Variants in KCNAB1 observed in about 807,000 individuals in gnomAD.
The protein encoded by KCNAB1 is potassium voltage-gated channel subfamily A regulatory beta subunit 1, also known as voltage-gated potassium channel subunit beta-1.
A neutral mutation model predicts 64.6 loss-of-function variants in KCNAB1; 35 were observed. The ratio of observed to expected loss-of-function variants is 0.54; its 90% CI spans 0.41 to 0.72. KCNAB1 has a LOEUF of 0.72. KCNAB1 is among the 30% of genes least tolerant of loss of function. The probability of loss-of-function intolerance (pLI) is 0.00; values close to 1 mark genes in which losing one functional copy is unlikely to be tolerated. For synonymous variants in KCNAB1, 177 were observed against 183.8 expected, an observed-to-expected ratio of 0.96 and a Z score of 0.30; for missense variants, 401 against 512.9, an observed-to-expected ratio of 0.78 and a Z score of 2.11.
intron 1 of KCNAB1, among the ~76,000 whole-genome samples, chr3:156,259,729 T>C (rs1718318151): frequency 6.6e-6 from 1 of 152,240 alleles, no homozygotes; most frequent in South Asian, 2.1e-4. Context: ...TGGGACACTC[T>C]GCTGTGCCCA....
intron 8 of KCNAB1, among the ~76,000 whole-genome samples, chr3:156,504,385 A>G (rs898848045): frequency 6.6e-6 from 1 of 152,158 alleles, no homozygotes; most frequent in Admixed American, 6.5e-5. Flanking sequence ...GAGTGCAGGT[A>G]TCTCTTCAAC....
At chr3:156,296,339 C>T (rs185290068) in intron 1 of KCNAB1, among the ~76,000 whole-genome samples, 80 of 152,006 alleles carry the variant, frequency 5.3e-4, no homozygotes, top group Middle Eastern at 3.4e-3. Flanking sequence ...GAATTGAGCA[C>T]GTTTGTACTG....
At chr3:156,235,947 C>G (rs1484888458) in intron 1 of KCNAB1, among the ~76,000 whole-genome samples, 1 of 152,142 alleles carries the variant, frequency 6.6e-6, no homozygotes, top group South Asian at 2.1e-4. Context: ...TTTAGGGCTA[C>G]CAGTATAGAG....
intron 1 of KCNAB1, among the ~76,000 whole-genome samples, chr3:156,407,146 A>ATC (rs944737615): frequency 1.3e-5 from 2 of 151,456 alleles, no homozygotes; most frequent in Non-Finnish European, 2.9e-5. Context: ...CCTGGCTCCT[A>ATC]TCTCTCTCTC....
intron 1 of KCNAB1, among the ~76,000 whole-genome samples, chr3:156,379,398 A>G (rs1711982603): frequency 6.6e-6 from 1 of 152,168 alleles, no homozygotes; most frequent in South Asian, 2.1e-4. Context: ...ATAAAGATAG[A>G]AAAGGAAGGT....
intron 1 of KCNAB1, among the ~76,000 whole-genome samples, chr3:156,231,587 A>T (rs1427300489): frequency 6.7e-6 from 1 of 148,542 alleles, no homozygotes; most frequent in African/African-American, 2.5e-5. Flanking sequence ...GAGATAATCA[A>T]CTAAGAGCTA....
intron 1 of KCNAB1, among the ~76,000 whole-genome samples, chr3:156,317,345 T>G (rs1208967310): frequency 1.3e-5 from 2 of 152,204 alleles, no homozygotes; most frequent in Non-Finnish European, 2.9e-5. Context: ...TTTCAAGCTT[T>G]TATAACTTGG....
At chr3:156,342,585 C>CTTT (rs60982892) in intron 1 of KCNAB1, among the ~76,000 whole-genome samples, 6 of 86,240 alleles carry the variant, frequency 7.0e-5, no homozygotes, top group South Asian at 3.8e-4. Context: ...CTATGTGTTT[C>CTTT]TTTTTTTTTT....
intron 1 of KCNAB1, among the ~76,000 whole-genome samples, chr3:156,227,133 G>A (rs550999915): frequency 2.6e-5 from 4 of 152,178 alleles, no homozygotes; most frequent in East Asian, 3.9e-4. Context: ...CTACTTCTTC[G>A]TCACAATGTT....
intron 2 of KCNAB1, among the ~76,000 whole-genome samples, chr3:156,424,434 C>T (rs2108230967): frequency 1.3e-5 from 2 of 152,134 alleles, no homozygotes; most frequent in Middle Eastern, 6.8e-3. Flanking sequence ...ATTTATGGCT[C>T]TGATATTGTT....
intron 1 of KCNAB1, among the ~76,000 whole-genome samples, chr3:156,351,328 C>T (rs958721279): frequency 6.6e-6 from 1 of 152,154 alleles, no homozygotes; most frequent in African/African-American, 2.4e-5. Context: ...GTCAGGGGTT[C>T]ATGTGAGCTT....
chr3:156,148,331 G>A (rs913617551), intron 1 of KCNAB1, among the ~76,000 whole-genome samples: 7 of 152,170 alleles, frequency 4.6e-5, no homozygotes, highest in Non-Finnish European at 1.5e-5. Context: ...TTGAGGATGA[G>A]GACTAAAACT....
intron 1 of KCNAB1, among the ~76,000 whole-genome samples, chr3:156,191,698 C>A (rs1164559577): frequency 6.6e-6 from 1 of 152,172 alleles, no homozygotes. Flanking sequence ...AAAATGTCTT[C>A]TTTTTCCCAT....
chr3:156,421,870 C>T (rs960088867), intron 2 of KCNAB1, among the ~76,000 whole-genome samples: 3 of 152,010 alleles, frequency 2.0e-5, no homozygotes, highest in African/African-American at 4.8e-5. Flanking sequence ...TATAGGGGCC[C>T]GTCGAGCATA....
At chr3:156,118,433 C>T, upstream of KCNAB1, 1 of 381,558 alleles carries the variant, frequency 2.6e-6, no homozygotes, top group Non-Finnish European at 5.3e-6. Context: ...CATAGCACCA[C>T]TTCCACCACG....
At chr3:156,486,329 T>A (rs1715214184) in intron 8 of KCNAB1, among the ~76,000 whole-genome samples, 1 of 152,104 alleles carries the variant, frequency 6.6e-6, no homozygotes, top group African/African-American at 2.4e-5. Context: ...AGCTCCTCAC[T>A]GGCTTCAAAA....
intron 1 of KCNAB1, among the ~76,000 whole-genome samples, chr3:156,296,786 T>A (rs1385282514): frequency 2.6e-5 from 4 of 152,196 alleles, no homozygotes; most frequent in Non-Finnish European, 4.4e-5. Flanking sequence ...TTTTTCCCCA[T>A]TTTTAAAGTT....
At chr3:156,396,415 T>A (rs1439507157) in intron 1 of KCNAB1, among the ~76,000 whole-genome samples, 1 of 152,214 alleles carries the variant, frequency 6.6e-6, no homozygotes, top group Non-Finnish European at 1.5e-5. Flanking sequence ...CCTTCTATAC[T>A]TAAAACACAT....
intron 2 of KCNAB1, among the ~76,000 whole-genome samples, chr3:156,423,163 G>A (rs1212332322): frequency 6.6e-6 from 1 of 152,244 alleles, no homozygotes; most frequent in Non-Finnish European, 1.5e-5. Flanking sequence ...ATAAAGAAAA[G>A]CAGAGAAATG....
Sources: gnomAD v4.1 joint callset for allele counts (sites outside exome capture counted in the v4.1 genomes callset) on GRCh38, gnomAD v4.1.1 for gene constraint, MANE v1.5 for transcripts, NCBI Gene and HGNC (gene_info 2026-07-23, HGNC 2026-07-21) for gene names.